The following HCN1 variants were observed in gnomAD, a reference collection of about 807,000 sequenced individuals.
The protein encoded by HCN1 is hyperpolarization activated cyclic nucleotide gated potassium channel 1.
Under a neutral mutation model 78.9 loss-of-function variants are expected in HCN1, and 13 were observed. That is an observed-to-expected ratio of 0.16 (90% confidence interval 0.11 to 0.26). HCN1 has a LOEUF of 0.26. Among genes scored for constraint, HCN1 ranks in the 10% least tolerant of loss-of-function variants. HCN1 has a pLI of 1.00. For synonymous variants in HCN1, 552 were observed against 455.5 expected, an observed-to-expected ratio of 1.21 and a Z score of -2.70; for missense variants, 810 against 1,154.3, an observed-to-expected ratio of 0.70 and a Z score of 4.32.
rs73103067 is a variant in HCN1, at chr5:45,605,231, T to C, written c.849+39954A>G. On this transcript the variant is annotated intron_variant, in intron 2 of 7. Coordinates refer to ENST00000303230, the MANE Select transcript of HCN1 (RefSeq NM_021072.4). The stretch of plus-strand genomic sequence containing the variant: ...ACCTTTATTTGTGAATCTAACCTAC[T>C]ATCTAACAACTTAATATGTAATTTT... Among the ~76,000 whole-genome samples, 1,316 of 152,108 alleles carry C rather than the reference T, an allele frequency of 8.7e-3. 25 individuals are homozygous for C. The highest frequency in any genetic ancestry group is 0.031 in the African/African-American group (1,289 of 41,548).
At chr5:45,548,187 C>T (rs919299212) in intron 2 of HCN1, among the ~76,000 whole-genome samples, 2 of 151,850 alleles carry the variant, frequency 1.3e-5, no homozygotes, top group Non-Finnish European at 1.5e-5. Context: ...ATACACATTT[C>T]TTATCCTGCC....
At chr5:45,681,359 A>G (rs957065435) in intron 1 of HCN1, among the ~76,000 whole-genome samples, 24 of 152,122 alleles carry the variant, frequency 1.6e-4, no homozygotes, top group African/African-American at 5.6e-4. Context: ...TTTATATGCA[A>G]AAACTAAGCT....
chr5:45,634,199 C>A (rs1490120463), intron 2 of HCN1, among the ~76,000 whole-genome samples: 3 of 151,886 alleles, frequency 2.0e-5, no homozygotes, highest in East Asian at 1.9e-4. Flanking sequence ...AATGAACATT[C>A]TCTCCCTCAG....
At chr5:45,467,332 T>C (rs1258878146) in intron 2 of HCN1, among the ~76,000 whole-genome samples, 4 of 152,248 alleles carry the variant, frequency 2.6e-5, no homozygotes, top group African/African-American at 7.2e-5. Flanking sequence ...ACGTCACACG[T>C]TATTTGTCCA....
intron 5 of HCN1, among the ~76,000 whole-genome samples, chr5:45,349,604 C>A (rs1294449208): frequency 6.6e-6 from 1 of 151,730 alleles, no homozygotes; most frequent in Non-Finnish European, 1.5e-5. Flanking sequence ...TTGAAAGGAT[C>A]AACAAAATTG....
At chr5:45,450,940 T>C (rs1740902928) in intron 3 of HCN1, among the ~76,000 whole-genome samples, 1 of 152,152 alleles carries the variant, frequency 6.6e-6, no homozygotes, top group Admixed American at 6.5e-5. Context: ...AATCTGCTTT[T>C]ATTGTATTAG....
chr5:45,527,853 T>C (rs1742771085), intron 2 of HCN1, among the ~76,000 whole-genome samples: 1 of 151,930 alleles, frequency 6.6e-6, no homozygotes, highest in Non-Finnish European at 1.5e-5. Context: ...TGTTTAGTGG[T>C]TTAAATTTCT....
chr5:45,325,170 C>G (rs2111942656), intron 5 of HCN1, among the ~76,000 whole-genome samples: 1 of 151,848 alleles, frequency 6.6e-6, no homozygotes, highest in African/African-American at 2.4e-5. Context: ...ATGACATTTG[C>G]ATCTCTGTTA....
intron 2 of HCN1, among the ~76,000 whole-genome samples, chr5:45,590,343 C>G (rs962379174): frequency 2.0e-5 from 3 of 152,150 alleles, no homozygotes; most frequent in African/African-American, 7.2e-5. Flanking sequence ...GCAGAAAATA[C>G]AGAGATTTCC....
chr5:45,666,669 C>T (rs570997350), intron 1 of HCN1, among the ~76,000 whole-genome samples: 1 of 151,990 alleles, frequency 6.6e-6, no homozygotes, highest in South Asian at 2.1e-4. Flanking sequence ...TGTAACATGG[C>T]CAGGGATCAC....
intron 5 of HCN1, among the ~76,000 whole-genome samples, chr5:45,328,341 C>A (rs1462613613): frequency 6.6e-5 from 10 of 151,306 alleles, no homozygotes; most frequent in Admixed American, 4.0e-4. Flanking sequence ...ATTTTTTTCT[C>A]TCATATTACA....
At chr5:45,550,561 G>T (rs1159175450) in intron 2 of HCN1, among the ~76,000 whole-genome samples, 1 of 151,888 alleles carries the variant, frequency 6.6e-6, no homozygotes, top group African/African-American at 2.4e-5. Context: ...CGAGTTAATG[G>T]GTGCAGCATA....
chr5:45,411,001 G>T (rs903631538), intron 3 of HCN1, among the ~76,000 whole-genome samples: 27 of 152,040 alleles, frequency 1.8e-4, no homozygotes, highest in African/African-American at 5.8e-4. Flanking sequence ...TAGTATTTAA[G>T]AGAGGCAAAA....
intron 3 of HCN1, among the ~76,000 whole-genome samples, chr5:45,456,530 A>G (rs185961467): frequency 2.4e-3 from 359 of 152,152 alleles, no homozygotes; most frequent in African/African-American, 8.2e-3. Context: ...GAATCATTAC[A>G]ATGAAATACC....
chr5:45,406,840 C>T (rs1380968740), intron 3 of HCN1, among the ~76,000 whole-genome samples: 1 of 152,086 alleles, frequency 6.6e-6, no homozygotes, highest in Admixed American at 6.6e-5. Context: ...GGTAAAATTT[C>T]CTGGAGAGTG....
intron 5 of HCN1, among the ~76,000 whole-genome samples, chr5:45,322,391 T>G (rs573521392): frequency 2.8e-4 from 42 of 151,980 alleles, no homozygotes; most frequent in Middle Eastern, 6.8e-3. Flanking sequence ...CTAATATTTA[T>G]TAAATGCTTT....
intron 2 of HCN1, among the ~76,000 whole-genome samples, chr5:45,477,585 T>C (rs1040956925): frequency 1.3e-5 from 2 of 152,126 alleles, no homozygotes; most frequent in African/African-American, 2.4e-5. Context: ...GGGAAGAAGA[T>C]AAATTATTCA....
intron 4 of HCN1, among the ~76,000 whole-genome samples, chr5:45,369,492 G>C (rs1376986720): frequency 2.0e-5 from 3 of 151,922 alleles, no homozygotes; most frequent in Non-Finnish European, 4.4e-5. Context: ...TCCTATTACT[G>C]TCCTTGCTCA....
At chr5:45,483,283 C>T (rs1741692128) in intron 2 of HCN1, among the ~76,000 whole-genome samples, 3 of 152,110 alleles carry the variant, frequency 2.0e-5, no homozygotes, top group Admixed American at 6.6e-5. Flanking sequence ...TGTTTTCTGA[C>T]TTTCTAATAA....
Sources: gnomAD v4.1 joint callset for allele counts (sites outside exome capture counted in the v4.1 genomes callset) on GRCh38, gnomAD v4.1.1 for gene constraint, MANE v1.5 for transcripts, NCBI Gene and HGNC (gene_info 2026-07-23, HGNC 2026-07-21) for gene names.